ACO2: variants seen among roughly 807,000 people sequenced by gnomAD.
The protein encoded by ACO2 is aconitate hydratase, mitochondrial.
Under a neutral mutation model 84.5 loss-of-function variants are expected in ACO2, and 31 were observed. The ratio of observed to expected loss-of-function variants is 0.37; its 90% CI spans 0.28 to 0.50. The LOEUF is 0.50. Ranked by LOEUF, ACO2 falls within the 20% of genes least tolerant of loss-of-function variation. The pLI is 0.97. For missense variants in ACO2, 685 were observed against 1,029.3 expected, an observed-to-expected ratio of 0.67 and a Z score of 4.58; for synonymous variants, 414 against 412.7, an observed-to-expected ratio of 1.00 and a Z score of -0.04.
At chr22:41,477,161 TTTA>T (rs1271074341) in intron 1 of ACO2, among the ~76,000 whole-genome samples, 7 of 149,558 alleles carry the variant, frequency 4.7e-5, no homozygotes, top group South Asian at 2.1e-4. Context: ...TATTTATTTA[TTTA>T]TTTTTTTGAG....
chr22:41,526,961 AT>A (rs1644498267), intron 15 of ACO2: 1 of 436,210 alleles, frequency 2.3e-6, no homozygotes, highest in African/African-American at 2.0e-5. Context: ...TCACAGATGC[AT>A]CTTGTGTGGG....
intron 1 of ACO2, among the ~76,000 whole-genome samples, chr22:41,493,739 C>T (rs1215237148): frequency 3.3e-5 from 5 of 151,994 alleles, no homozygotes; most frequent in African/African-American, 4.8e-5. Context: ...TCCAGGAGTT[C>T]GAGACCATCC....
intron 1 of ACO2, among the ~76,000 whole-genome samples, chr22:41,482,459 A>G (rs2038099938): frequency 6.6e-6 from 1 of 152,234 alleles, no homozygotes; most frequent in South Asian, 2.1e-4. Context: ...CAAGAGTCAC[A>G]CAGAGATGTG....
In ACO2 at chr22:41,480,120, G is replaced by C. The variant is rs543428403; in HGVS notation, c.36+10938G>C. On this transcript the variant is annotated intron_variant, in intron 1 of 17. Coordinates refer to ENST00000216254, the MANE Select transcript of ACO2 (RefSeq NM_001098.3). ...AGGAGCCAGGCATCGCCTACCAGGA[G>C]GGGGAGAAAATTGTTAGAAGCCCTG... Among the ~76,000 whole-genome samples, 3 of 152,336 alleles carry C rather than the reference G, an allele frequency of 2.0e-5. No homozygotes were observed. The South Asian group carries it at 6.2e-4, about 32-fold the overall frequency.
intron 1 of ACO2, among the ~76,000 whole-genome samples, chr22:41,479,289 T>TACCC (rs1462722720): frequency 6.6e-6 from 1 of 152,160 alleles, no homozygotes; most frequent in Non-Finnish European, 1.5e-5. Context: ...AGAAACGCAT[T>TACCC]ACCCACCATC....
In ACO2 at chr22:41,527,722, G is replaced by A. The variant is rs185672631; in HGVS notation, c.2087-179G>A. On this transcript the variant is annotated intron_variant, in intron 16 of 17. Coordinates refer to ENST00000216254, the MANE Select transcript of ACO2 (RefSeq NM_001098.3). The stretch of plus-strand genomic sequence containing the variant: ...AGGCCTCGCAGACCTCAGCACCAGC[G>A]CACACTTGCTAGGGGCACCCCTAGT... The A allele has an allele frequency of 1.7e-3, 1,739 of 1,009,610 alleles. 7 individuals are homozygous for A. Among genetic ancestry groups the A allele is most frequent in the South Asian group, 2.8e-3 (175 of 61,766 alleles). 62.5% of individuals were successfully genotyped at this position (1,009,610 alleles called of 1,614,324 possible).
chr22:41,496,846 G>A (rs1418988134), intron 1 of ACO2, among the ~76,000 whole-genome samples: 1 of 152,104 alleles, frequency 6.6e-6, no homozygotes, highest in Non-Finnish European at 1.5e-5. Context: ...TTCAGAATGT[G>A]GCCTGTTCTT....
rs1286361933 is a variant in ACO2 at position 41,528,874 on chromosome 22, A to T, written c.*261A>T. The T allele has an allele frequency of 1.4e-5, 7 of 515,246 alleles. No individual in the cohort carries two copies. The highest frequency in any genetic ancestry group is 2.0e-5 in the Non-Finnish European group (6 of 293,900). The allele number at this position is 515,246 out of a possible 1,614,324, so 31.9% of individuals were successfully genotyped here. A position where few individuals can be genotyped will look rare whatever the true frequency, so the allele number is the denominator to read the frequency against. The stretch of plus-strand genomic sequence containing the variant: ...AACTGTATTTATTTTTGATGACAAG[A>T]CTCCCATCTAAAGTTTTTCTCCTGC... On this transcript the variant is annotated 3_prime_UTR_variant, in exon 18 of 18. Transcript: ENST00000216254.
chr22:41,526,469 T>C lies in ACO2; in HGVS notation c.1953+16T>C, dbSNP rs542512553. 230 of 1,605,366 alleles carry C rather than the reference T, an allele frequency of 1.4e-4. 1 individual carries two copies. The South Asian group carries it at 2.1e-3, about 15-fold the overall frequency. On this transcript the variant is annotated intron_variant, in intron 15 of 17. Coordinates refer to ENST00000216254, the MANE Select transcript of ACO2 (RefSeq NM_001098.3). Reference sequence around the variant, plus strand: ...CTACTACAAGGTGGGTCAGAGTTGATAGGGGCAATGCCAGTGGTCACTCCT... The same window carrying C: ...CTACTACAAGGTGGGTCAGAGTTGACAGGGGCAATGCCAGTGGTCACTCCT...
intron 1 of ACO2, among the ~76,000 whole-genome samples, chr22:41,474,486 G>A (rs2037984965): frequency 1.3e-5 from 2 of 149,480 alleles, no homozygotes; most frequent in Non-Finnish European, 3.0e-5. Flanking sequence ...TAGTAGAGAC[G>A]GGTTTCACGT....
At chr22:41,486,695 C>T (rs1205445781) in intron 1 of ACO2, among the ~76,000 whole-genome samples, 1 of 151,940 alleles carries the variant, frequency 6.6e-6, no homozygotes, top group Non-Finnish European at 1.5e-5. Context: ...TGGTCTCGAT[C>T]TCCTGACGTT....
At chr22:41,484,788 C>T (rs556317460) in intron 1 of ACO2, among the ~76,000 whole-genome samples, 8 of 151,124 alleles carry the variant, frequency 5.3e-5, no homozygotes, top group African/African-American at 1.9e-4. Flanking sequence ...AGATATTATT[C>T]TTTTTTTCCA....
intron 1 of ACO2, among the ~76,000 whole-genome samples, chr22:41,474,033 C>T (rs1332790986): frequency 6.6e-6 from 1 of 151,922 alleles, no homozygotes; most frequent in East Asian, 1.9e-4. Context: ...GCATGATGGA[C>T]CATAGAGGGT....
Position 41,469,140 on chromosome 22 carries a change from G to A in ACO2, c.-7G>A, listed in dbSNP as rs757033801. ...TTAATGCGACCTCATCTTTGTCAGTGCACAAAATGGCGCCCTACAGCCTAC... is the reference window on the plus strand; with the variant it reads ...TTAATGCGACCTCATCTTTGTCAGTACACAAAATGGCGCCCTACAGCCTAC... On this transcript the variant is annotated 5_prime_UTR_variant, in exon 1 of 18. Transcript: ENST00000216254. The A allele has an allele frequency of 2.5e-6, 4 of 1,608,626 alleles. No homozygotes were observed. Among genetic ancestry groups the A allele is most frequent in the South Asian group, 1.1e-5 (1 of 90,496 alleles).
intron 1 of ACO2, among the ~76,000 whole-genome samples, chr22:41,475,767 G>A (rs553761165): frequency 1.1e-4 from 16 of 151,838 alleles, no homozygotes; most frequent in East Asian, 1.9e-4. Flanking sequence ...TCGTGGTGGC[G>A]CATGCCTGTG....
chr22:41,521,920 C>T (rs187186275), intron 9 of ACO2, among the ~76,000 whole-genome samples: 150 of 152,146 alleles, frequency 9.9e-4, no homozygotes, highest in Non-Finnish European at 1.7e-3. Context: ...TACAGGCGCC[C>T]GCCACCATGC....
At chr22:41,518,698 C>G (rs1434816391) in intron 8 of ACO2, 126 bp downstream of exon 8, 4 of 743,694 alleles carry the variant, frequency 5.4e-6, no homozygotes, top group Non-Finnish European at 9.2e-6. Flanking sequence ...CTTTGGGAGG[C>G]CAAGGCAGGT....
At chr22:41,493,097 G>A (rs2066284980) in intron 1 of ACO2, among the ~76,000 whole-genome samples, 4 of 152,262 alleles carry the variant, frequency 2.6e-5, no homozygotes, top group Non-Finnish European at 2.9e-5. Flanking sequence ...GAAGGGGGCC[G>A]GATTTATCCC....
In ACO2 at chr22:41,522,778, T is replaced by G. The variant is rs2066537539; in HGVS notation, c.1139-52T>G. The stretch of plus-strand genomic sequence containing the variant: ...GATAATTTGAAGTCAGGTGGAGACC[T>G]CTGCTCACTGTCTCCTCCTGACCCT... On this transcript the variant is annotated intron_variant, in intron 9 of 17. Transcript: ENST00000216254. 13 of 1,591,194 alleles carry G rather than the reference T, an allele frequency of 8.2e-6. No homozygotes were observed. The South Asian group carries it at 1.5e-4, about 18-fold the overall frequency.
Sources: gnomAD v4.1 joint callset for allele counts (sites outside exome capture counted in the v4.1 genomes callset) on GRCh38, gnomAD v4.1.1 for gene constraint, MANE v1.5 for transcripts, NCBI Gene and HGNC (gene_info 2026-07-23, HGNC 2026-07-21) for gene names.